NEO1: variants seen among roughly 807,000 people sequenced by gnomAD.
The protein encoded by NEO1 is neogenin.
In NEO1, 63 loss-of-function variants were observed where a neutral mutation model predicts 159.7. The ratio of observed to expected loss-of-function variants is 0.39; its 90% CI spans 0.32 to 0.49. The LOEUF (loss-of-function observed/expected upper bound fraction) is 0.49, where lower values mean the gene tolerates loss of function less well. NEO1 is among the 20% of genes least tolerant of loss of function. The pLI is 0.85. For synonymous variants in NEO1, 633 were observed against 662.0 expected, an observed-to-expected ratio of 0.96 and a Z score of 0.67; for missense variants, 1,615 against 1,831.0, an observed-to-expected ratio of 0.88 and a Z score of 2.15.
At chr15:73,255,375 A>G (rs2254390) in intron 13 of NEO1, 14,963 of 152,328 alleles carry the variant, frequency 0.098, 1,001 homozygotes, top group African/African-American at 0.18. Flanking sequence ...TAAGTGGCAT[A>G]CCTGGTAAAA....
intron 16 of NEO1, among the ~76,000 whole-genome samples, chr15:73,267,436 C>T (rs2040961570): frequency 6.6e-6 from 1 of 151,788 alleles, no homozygotes. Context: ...ATGTGCACAA[C>T]ATGCAGGTTT....
At chr15:73,297,810 C>T (rs964134415) in intron 26 of NEO1, among the ~76,000 whole-genome samples, 3 of 152,204 alleles carry the variant, frequency 2.0e-5, no homozygotes, top group African/African-American at 7.2e-5. Flanking sequence ...TTGTCCAATT[C>T]TCACTTGAGC....
intron 1 of NEO1, among the ~76,000 whole-genome samples, chr15:73,111,285 ATTAT>A (rs1177338225): frequency 3.3e-5 from 5 of 152,274 alleles, no homozygotes; most frequent in East Asian, 1.9e-4. Flanking sequence ...TACATTTTTT[ATTAT>A]TTATGTATCT....
intron 26 of NEO1, among the ~76,000 whole-genome samples, chr15:73,294,762 ACTC>A (rs2042291415): frequency 6.6e-6 from 1 of 150,684 alleles, no homozygotes; most frequent in Admixed American, 6.6e-5. Flanking sequence ...CTGGTCTCAA[ACTC>A]CTGACCTCAA....
Position 73,298,549 on chromosome 15 carries a change from C to T in NEO1, c.4103C>T (p.Pro1368Leu), listed in dbSNP as rs200852523. The T allele has an allele frequency of 2.0e-4, 317 of 1,614,094 alleles. 2 individuals carry two copies. Among genetic ancestry groups the T allele is most frequent in the Non-Finnish European group, 2.2e-4 (265 of 1,180,038 alleles). ...PLKSFAVPAI[P>L]PPGPPTYDPA... ...AAGAGCTTCGCCGTGCCAGCAATCC[C>T]GCCTCCAGGACCTCCCACCTATGAT... is the stretch of plus-strand genomic sequence containing the variant. Residue 1368 changes from proline (P) to leucine (L), a missense_variant, in exon 27 of 29, where the codon CCG (proline) becomes CTG (leucine). Coordinates refer to ENST00000261908, the MANE Select transcript of NEO1 (RefSeq NM_002499.4).
chr15:73,097,558 G>C (rs2070129371), intron 1 of NEO1, among the ~76,000 whole-genome samples: 1 of 151,510 alleles, frequency 6.6e-6, no homozygotes, highest in African/African-American at 2.4e-5. Flanking sequence ...ACAGGGTTTT[G>C]CCATGTTGGC....
chr15:73,102,134 G>A (rs1017551507), intron 1 of NEO1, among the ~76,000 whole-genome samples: 1 of 152,150 alleles, frequency 6.6e-6, no homozygotes, highest in African/African-American at 2.4e-5. Flanking sequence ...TTTAGAGGCC[G>A]AGGCGGGCGG....
intron 7 of NEO1, among the ~76,000 whole-genome samples, chr15:73,187,755 T>C (rs1289109977): frequency 2.6e-5 from 4 of 152,224 alleles, no homozygotes; most frequent in African/African-American, 9.6e-5. Flanking sequence ...ATCTAGTCCA[T>C]CTTCCCTTGA....
chr15:73,165,707 T>G lies in NEO1; in HGVS notation c.1016-10696T>G, dbSNP rs894514121. 2.6e-5 allele frequency among the ~76,000 whole-genome samples: 4 copies of G among 152,220 alleles called. No individual in the cohort carries two copies. The South Asian group carries it at 8.3e-4, about 32-fold the overall frequency. ...GAGGTTGGAACAAAAGTTTAATAAG[T>G]GAAAGAAGACAGCTCTCCACAGCAG... On this transcript the variant is annotated intron_variant, in intron 5 of 28. Coordinates refer to ENST00000261908, the MANE Select transcript of NEO1 (RefSeq NM_002499.4).
In NEO1 at chr15:73,234,798, G is replaced by A. The variant is rs1487668377; in HGVS notation, c.1292-1549G>A. ...TTTGTGATTTGCACAAGAACTGGAAGTCAAGTTTTCAGACTCTGCTTGGCT... is the reference window on the plus strand; with the variant it reads ...TTTGTGATTTGCACAAGAACTGGAAATCAAGTTTTCAGACTCTGCTTGGCT... On this transcript the variant is annotated intron_variant, in intron 7 of 28. Coordinates refer to ENST00000261908, the MANE Select transcript of NEO1 (RefSeq NM_002499.4). Among the ~76,000 whole-genome samples, 4 of 152,206 alleles carry A rather than the reference G, an allele frequency of 2.6e-5. No homozygotes were observed. In the East Asian group the frequency reaches 5.8e-4, roughly 22 times the overall value.
chr15:73,061,337 A>G (rs1221034553), intron 1 of NEO1, among the ~76,000 whole-genome samples: 1 of 152,236 alleles, frequency 6.6e-6, no homozygotes, highest in Non-Finnish European at 1.5e-5. Flanking sequence ...GCTAATGGAT[A>G]TTGCCTACCC....
At chr15:73,116,494 A>G in intron 1 of NEO1, 46 bp from the exon 2 acceptor site, 5 of 1,453,584 alleles carry the variant, frequency 3.4e-6, no homozygotes, top group East Asian at 2.3e-5. Context: ...GACAAATAAT[A>G]GAAGAGAGAT....
intron 2 of NEO1, among the ~76,000 whole-genome samples, chr15:73,117,815 AAAG>A: frequency 6.6e-6 from 1 of 152,250 alleles, no homozygotes; most frequent in South Asian, 2.1e-4. Context: ...TGGAAAAATA[AAAG>A]AAGAAAAAAA....
At chr15:73,148,475 T>C (rs2151822085) in intron 5 of NEO1, among the ~76,000 whole-genome samples, 1 of 152,306 alleles carries the variant, frequency 6.6e-6, no homozygotes, top group South Asian at 2.1e-4. Flanking sequence ...AAAGATAATG[T>C]CCTAGTGAAA....
intron 22 of NEO1, among the ~76,000 whole-genome samples, chr15:73,279,327 TG>T (rs1445216966): frequency 5.4e-5 from 8 of 149,018 alleles, no homozygotes; most frequent in Non-Finnish European, 1.0e-4. Context: ...CATGCATGCA[TG>T]TTTTTTTGTT....
At chr15:73,201,789 T>C (rs1037188334) in intron 7 of NEO1, among the ~76,000 whole-genome samples, 2 of 152,124 alleles carry the variant, frequency 1.3e-5, no homozygotes, top group Non-Finnish European at 1.5e-5. Context: ...TCTTGGAAAA[T>C]TGACAGCTTT....
intron 25 of NEO1, 27 bp from the exon 26 acceptor site, chr15:73,293,363 A>G (rs2042230679): frequency 1.2e-6 from 2 of 1,612,710 alleles, no homozygotes. Context: ...CATGTTAAGC[A>G]TTTCTCTGTC....
intron 7 of NEO1, among the ~76,000 whole-genome samples, chr15:73,209,192 T>C (rs1350928189): frequency 6.6e-6 from 1 of 152,230 alleles, no homozygotes; most frequent in East Asian, 1.9e-4. Flanking sequence ...ATACTTCTCA[T>C]TTATGAGCTT....
intron 5 of NEO1, among the ~76,000 whole-genome samples, chr15:73,138,215 A>G (rs1056240587): frequency 7.9e-5 from 12 of 152,218 alleles, no homozygotes; most frequent in Non-Finnish European, 1.3e-4. Context: ...TACAAAAGAA[A>G]AAGATTGGAT....
Sources: gnomAD v4.1 joint callset for allele counts (sites outside exome capture counted in the v4.1 genomes callset) on GRCh38, gnomAD v4.1.1 for gene constraint, MANE v1.5 for transcripts, NCBI Gene and HGNC (gene_info 2026-07-23, HGNC 2026-07-21) for gene names.